Variants in QTGAL observed in about 807,000 individuals in gnomAD.
QTGAL encodes the protein queuosine-tRNA galactosyltransferase, also known as BGnT-like protein 1.
the QTGAL span, among the ~76,000 whole-genome samples, chr17:82,998,545 C>T: frequency 6.6e-6 from 1 of 152,208 alleles, no homozygotes; most frequent in South Asian, 2.1e-4. Context: ...TGGGGTGTCA[C>T]TGTGTCAGCC....
the QTGAL span, chr17:82,946,953 G>A: frequency 6.4e-7 from 1 of 1,569,822 alleles, no homozygotes; most frequent in East Asian, 2.3e-5. Context: ...AGTGACCTCA[G>A]GTTGTCCTCA....
At chr17:82,959,825 G>A in the QTGAL span, among the ~76,000 whole-genome samples, 1 of 152,010 alleles carries the variant, frequency 6.6e-6, no homozygotes, top group Non-Finnish European at 1.5e-5. Flanking sequence ...GCCCATCGTA[G>A]GAAGGTAAAA....
the QTGAL span, among the ~76,000 whole-genome samples, chr17:83,010,081 G>C: frequency 2.4e-4 from 31 of 128,256 alleles, no homozygotes; most frequent in African/African-American, 8.6e-4. Context: ...CTGGTGTGTG[G>C]AGCTGCAGGG....
chr17:83,030,519 C>T, the QTGAL span, among the ~76,000 whole-genome samples: 9 of 152,218 alleles, frequency 5.9e-5, no homozygotes, highest in African/African-American at 2.2e-4. Context: ...CTAGACGGCA[C>T]TGCTGCTCGG....
chr17:83,002,058 T>G, the QTGAL span, among the ~76,000 whole-genome samples: 1 of 58,986 alleles, frequency 1.7e-5, no homozygotes, highest in Non-Finnish European at 3.3e-5. Context: ...CACTGCGCCT[T>G]TTTTTTTTTT....
At chr17:82,958,991 T>TGTGTGTTATACTGTGTGGGGGTGTATG in the QTGAL span, among the ~76,000 whole-genome samples, 1 of 75,114 alleles carries the variant, frequency 1.3e-5, no homozygotes, top group African/African-American at 5.6e-5. Flanking sequence ...GTGTATGGTG[T>TGTGTGTTATACTGTGTGGGGGTGTATG]GTGTGTGTGT....
At chr17:82,960,994 C>T in the QTGAL span, 16 of 1,550,954 alleles carry the variant, frequency 1.0e-5, no homozygotes, top group Non-Finnish European at 1.4e-5. Flanking sequence ...CCGGCCCCGA[C>T]CTCGGGCGCC....
chr17:82,987,325 A>G, the QTGAL span, among the ~76,000 whole-genome samples: 4 of 152,246 alleles, frequency 2.6e-5, no homozygotes, highest in African/African-American at 9.6e-5. Flanking sequence ...ACAATTTTAA[A>G]AAGAAGACTT....
the QTGAL span, among the ~76,000 whole-genome samples, chr17:82,977,468 T>C: frequency 3.3e-5 from 5 of 151,966 alleles, no homozygotes; most frequent in Non-Finnish European, 5.9e-5. Context: ...TCTCTACCCC[T>C]TGGTGTACTT....
the QTGAL span, among the ~76,000 whole-genome samples, chr17:83,050,613 C>T: frequency 3.3e-5 from 5 of 152,170 alleles, no homozygotes; most frequent in East Asian, 1.9e-4. Flanking sequence ...ACATGCTGAG[C>T]CTTTGGGCGA....
chr17:82,946,882 G>T, the QTGAL span: 1 of 1,553,338 alleles, frequency 6.4e-7, no homozygotes, highest in East Asian at 2.4e-5. Flanking sequence ...GACCCACCTG[G>T]GAGCAGCTGC....
chr17:83,017,421 G>A, the QTGAL span, among the ~76,000 whole-genome samples: 2 of 152,056 alleles, frequency 1.3e-5, no homozygotes, highest in East Asian at 3.9e-4. Context: ...TCAGGAGTTC[G>A]AAACTAGACT....
the QTGAL span, among the ~76,000 whole-genome samples, chr17:83,028,277 C>T: frequency 2.6e-5 from 4 of 151,776 alleles, no homozygotes; most frequent in South Asian, 8.3e-4. Flanking sequence ...GTAATCCCAG[C>T]ACTTTGGGAG....
chr17:83,046,081 C>G, the QTGAL span, among the ~76,000 whole-genome samples: 1 of 152,096 alleles, frequency 6.6e-6, no homozygotes, highest in Non-Finnish European at 1.5e-5. Flanking sequence ...GCCTTGGCCT[C>G]CCAAAGTGCT....
the QTGAL span, among the ~76,000 whole-genome samples, chr17:82,959,913 G>T: frequency 6.6e-6 from 1 of 152,132 alleles, no homozygotes; most frequent in African/African-American, 2.4e-5. Context: ...TAATCAGGGA[G>T]AACAGGCTCC....
the QTGAL span, among the ~76,000 whole-genome samples, chr17:82,982,829 C>CA: frequency 1.3e-5 from 2 of 152,182 alleles, no homozygotes; most frequent in African/African-American, 4.8e-5. Flanking sequence ...GAACTCCCTC[C>CA]ACCAAGAATA....
At chr17:83,043,317 A>G in the QTGAL span, among the ~76,000 whole-genome samples, 4 of 152,254 alleles carry the variant, frequency 2.6e-5, no homozygotes, top group African/African-American at 9.6e-5. Flanking sequence ...AATTATATGA[A>G]GTATCTTCTC....
At chr17:82,971,613 C>G in the QTGAL span, among the ~76,000 whole-genome samples, 2 of 148,728 alleles carry the variant, frequency 1.3e-5, no homozygotes, top group African/African-American at 2.5e-5. Context: ...ACTGACCACA[C>G]CACACCACAG....
the QTGAL span, among the ~76,000 whole-genome samples, chr17:82,951,495 C>T: frequency 2.2e-4 from 33 of 152,260 alleles, no homozygotes; most frequent in African/African-American, 6.3e-4. Context: ...TCTGTCAGAC[C>T]ACTAACACTT....
Sources: allele counts gnomAD v4.1 joint callset (sites outside exome capture counted in the v4.1 genomes callset), GRCh38; gene constraint gnomAD v4.1.1; transcripts MANE v1.5; gene names NCBI Gene and HGNC (gene_info 2026-07-23, HGNC 2026-07-21).